Variants in CPVL observed in about 807,000 individuals in gnomAD.
CPVL encodes the protein probable serine carboxypeptidase CPVL.
A neutral mutation model predicts 63.7 loss-of-function variants in CPVL; 51 were observed. That is an observed-to-expected ratio of 0.80 (90% CI 0.64 to 1.01). The LOEUF (loss-of-function observed/expected upper bound fraction) is 1.01, where lower values mean the gene tolerates loss of function less well. CPVL is among the 50% of genes least tolerant of loss of function. The pLI is 0.00. For missense variants in CPVL, 530 were observed against 573.1 expected (o/e 0.92, Z 0.77); for synonymous variants, 195 against 206.0 (o/e 0.95, Z 0.46).
chr7:29,158,734 T>C (rs1242935036), intron 5 of CPVL, among the ~76,000 whole-genome samples: 1 of 152,206 alleles, frequency 6.6e-6, no homozygotes, highest in African/African-American at 2.4e-5. Context: ...AGATTTTGCT[T>C]GTTCTTTTTG....
intron 12 of CPVL, among the ~76,000 whole-genome samples, chr7:29,004,896 C>T (rs1227776629): frequency 4.8e-5 from 7 of 144,870 alleles, no homozygotes; most frequent in African/African-American, 1.0e-4. Flanking sequence ...TTTTTCTTTT[C>T]TTTTCTTTTT....
At chr7:29,101,667 G>T (rs1787150753) in intron 3 of CPVL, among the ~76,000 whole-genome samples, 1 of 151,892 alleles carries the variant, frequency 6.6e-6, no homozygotes, top group Non-Finnish European at 1.5e-5. Context: ...CTTAACTAAA[G>T]GTTTTTTTTT....
rs559588880 is a variant in CPVL, at chr7:28,995,434, TGTTAC to T, written c.*333_*337del. On this transcript the variant is annotated 3_prime_UTR_variant, in exon 13 of 13. Transcript: ENST00000265394. The stretch of plus-strand genomic sequence containing the variant: ...CAGAAAAAGATGTTACAGCTTTGTT[TGTTAC>T]AACTGCACTTTTCACTTACTCTTAG... 12 of 196,220 alleles carry T rather than the reference TGTTAC, an allele frequency of 6.1e-5. 1 individual carries two copies. The South Asian group carries it at 1.1e-3, about 18-fold the overall frequency. The allele number at this position is 196,220 out of a possible 1,614,324, so 12.2% of individuals were successfully genotyped here.
chr7:29,125,563 T>C (rs1789924580), intron 1 of CPVL, among the ~76,000 whole-genome samples: 1 of 152,066 alleles, frequency 6.6e-6, no homozygotes, highest in Non-Finnish European at 1.5e-5. Flanking sequence ...TAGCTAATTT[T>C]TGTATTTTTA....
chr7:29,169,175 A>G (rs1796287881), intron 5 of CPVL, among the ~76,000 whole-genome samples: 1 of 152,122 alleles, frequency 6.6e-6, no homozygotes, highest in Non-Finnish European at 1.5e-5. Flanking sequence ...TATGCATTGT[A>G]TATTCAGTAC....
chr7:29,071,017 C>T (rs1364746437), intron 9 of CPVL, among the ~76,000 whole-genome samples: 3 of 151,980 alleles, frequency 2.0e-5, no homozygotes, highest in African/African-American at 7.3e-5. Context: ...CATTTACTAC[C>T]ATGTCAAACA....
At chr7:29,111,866 C>CT (rs1215162847) in intron 3 of CPVL, among the ~76,000 whole-genome samples, 12 of 152,230 alleles carry the variant, frequency 7.9e-5, no homozygotes, top group Non-Finnish European at 1.8e-4. Context: ...ATAGGGATAG[C>CT]TTTTTCTTTG....
intron 5 of CPVL, among the ~76,000 whole-genome samples, chr7:29,173,856 G>A (rs1164231676): frequency 1.3e-5 from 2 of 151,522 alleles, no homozygotes; most frequent in African/African-American, 4.9e-5. Flanking sequence ...GGGGGCTGAG[G>A]CACTAGAATT....
intron 5 of CPVL, among the ~76,000 whole-genome samples, chr7:29,154,410 T>C (rs1695913387): frequency 6.6e-6 from 1 of 152,218 alleles, no homozygotes; most frequent in South Asian, 2.1e-4. Context: ...CCTGTAGATT[T>C]TGGATGTTCC....
At chr7:29,008,594 C>G (rs186391606) in intron 12 of CPVL, among the ~76,000 whole-genome samples, 87 of 152,212 alleles carry the variant, frequency 5.7e-4, no homozygotes, top group African/African-American at 2.0e-3. Flanking sequence ...CTTTTAATGT[C>G]CACAAAATGC....
rs1788735755 is a variant in CPVL at position 29,038,203 on chromosome 7, T to TG, written c.1138-7445dup. The stretch of plus-strand genomic sequence containing the variant: ...TTTGTATCCTCCCAAAACTCAAATG[T>TG]GGAAAACCTAACAGCCAAAGTGATG... On this transcript the variant is annotated intron_variant, in intron 11 of 12. Transcript: ENST00000265394. Among the ~76,000 whole-genome samples, 4 of 151,976 alleles carry TG rather than the reference T, an allele frequency of 2.6e-5. No individual in the cohort carries two copies. The South Asian group carries it at 8.3e-4, about 32-fold the overall frequency.
chr7:29,082,853 C>T (rs1784864667), intron 7 of CPVL, among the ~76,000 whole-genome samples: 1 of 152,230 alleles, frequency 6.6e-6, no homozygotes. Flanking sequence ...GTATCAACAT[C>T]AACATCATGG....
intron 4 of CPVL, among the ~76,000 whole-genome samples, chr7:29,182,271 G>A (rs1798156015): frequency 6.6e-6 from 1 of 152,198 alleles, no homozygotes; most frequent in Admixed American, 6.5e-5. Flanking sequence ...AAGGTTAGCA[G>A]TGGTGGAATC....
intron 7 of CPVL, among the ~76,000 whole-genome samples, chr7:29,076,941 C>T (rs751358715): frequency 1.3e-5 from 2 of 152,142 alleles, no homozygotes; most frequent in Non-Finnish European, 2.9e-5. Context: ...GCACATTGTA[C>T]TTGTAAAAAT....
chr7:29,066,058 C>G lies in CPVL; in HGVS notation c.928G>C (p.Gly310Arg). Residue 310 changes from glycine (G) to arginine (R), a missense_variant, in exon 10 of 13, where the codon GGA becomes CGA. Transcript: ENST00000265394. Reference sequence around the variant, plus strand: ...AAAAAGTTATAGTAATTACTACATCCTGTAACATTCTGGAAGTAAGAAGGA... The same window carrying G: ...AAAAAGTTATAGTAATTACTACATCGTGTAACATTCTGGAAGTAAGAAGGA... ...SDPSYFQNVT[G>R]CSNYYNFLRC... is the part of the protein sequence containing the mutation. The G allele has an allele frequency of 6.2e-7, 1 of 1,608,558 alleles. No individual in the cohort carries two copies. Among genetic ancestry groups the G allele is most frequent in the Non-Finnish European group, 8.5e-7 (1 of 1,176,026 alleles).
At chr7:29,194,796 A>G in intron 1 of CPVL, 4 of 585,474 alleles carry the variant, frequency 6.8e-6, no homozygotes, top group Non-Finnish European at 5.2e-6. Context: ...AAGTGCAGGC[A>G]GAGTCCGGAG....
At chr7:29,057,867 C>G (rs1790896368) in intron 11 of CPVL, among the ~76,000 whole-genome samples, 1 of 152,206 alleles carries the variant, frequency 6.6e-6, no homozygotes, top group African/African-American at 2.4e-5. Flanking sequence ...ACCTATTTGC[C>G]TATTCTTTTG....
intron 1 of CPVL, among the ~76,000 whole-genome samples, chr7:29,136,060 G>A (rs984246959): frequency 6.6e-6 from 1 of 152,182 alleles, no homozygotes; most frequent in Non-Finnish European, 1.5e-5. Context: ...TAGGACTGAA[G>A]AGGGGAAGTG....
intron 9 of CPVL, among the ~76,000 whole-genome samples, chr7:29,070,742 C>T (rs1783650244): frequency 2.0e-5 from 3 of 152,190 alleles, no homozygotes; most frequent in South Asian, 2.1e-4. Flanking sequence ...TCAGAATTCA[C>T]GGCAAGGGCG....
Sources: gnomAD v4.1 joint callset for allele counts (sites outside exome capture counted in the v4.1 genomes callset) on GRCh38, gnomAD v4.1.1 for gene constraint, MANE v1.5 for transcripts, NCBI Gene and HGNC (gene_info 2026-07-23, HGNC 2026-07-21) for gene names.